The following ARHGEF18 variants were observed in gnomAD, a reference collection of about 807,000 sequenced individuals.
ARHGEF18 encodes Rho/Rac guanine nucleotide exchange factor 18, also known as rho guanine nucleotide exchange factor 18.
A neutral mutation model predicts 155.7 loss-of-function variants in ARHGEF18; 93 were observed. The ratio of observed to expected loss-of-function variants is 0.60; its 90% CI spans 0.50 to 0.71. The LOEUF (loss-of-function observed/expected upper bound fraction) is 0.71. Ranked by LOEUF, ARHGEF18 falls within the 30% of genes least tolerant of loss-of-function variation. The pLI is 0.00. For missense variants in ARHGEF18, 1,593 were observed against 1,816.1 expected (o/e 0.88, Z 2.23); for synonymous variants, 742 against 753.1 (o/e 0.99, Z 0.24).
At chr19:7,365,653 C>A (rs1455177084) in intron 2 of ARHGEF18, among the ~76,000 whole-genome samples, 1 of 152,212 alleles carries the variant, frequency 6.6e-6, no homozygotes, top group African/African-American at 2.4e-5. Flanking sequence ...GCTGTGCCCC[C>A]ACCCGCTGGC....
intron 10 of ARHGEF18, among the ~76,000 whole-genome samples, chr19:7,388,056 G>A (rs567722460): frequency 7.2e-5 from 11 of 152,128 alleles, no homozygotes; most frequent in Non-Finnish European, 1.3e-4. Flanking sequence ...AGCAAGCAAG[G>A]TGAGTGGCTT....
At chr19:7,475,235 A>G (rs1977201836), downstream of ARHGEF18, among the ~76,000 whole-genome samples, 1 of 152,160 alleles carries the variant, frequency 6.6e-6, no homozygotes, top group Non-Finnish European at 1.5e-5. Flanking sequence ...GTCTCAAAAA[A>G]GAGGGCCCGT....
rs563680113 is a variant in ARHGEF18 at position 7,453,851 on chromosome 19, A to T, written c.2104+136A>T. 218 of 1,216,770 alleles carry T rather than the reference A, an allele frequency of 1.8e-4. 1 individual carries two copies. The East Asian group carries it at 4.2e-3, about 24-fold the overall frequency. 75.4% of individuals were successfully genotyped at this position (1,216,770 alleles called of 1,614,324 possible). On this transcript the variant is annotated intron_variant, in intron 17 of 28. Coordinates refer to ENST00000668164, the MANE Select transcript of ARHGEF18 (RefSeq NM_001367823.1). ...GTACCATCTTGGAGAGGTGGTCACCATCTTGGATTGGTGGGTACTCTCTTG... is the reference window on the plus strand; with the variant it reads ...GTACCATCTTGGAGAGGTGGTCACCTTCTTGGATTGGTGGGTACTCTCTTG...
chr19:7,471,652 G>C lies in ARHGEF18; in HGVS notation c.*1354G>C, dbSNP rs1305163898. On this transcript the variant is annotated 3_prime_UTR_variant, in exon 29 of 29. Coordinates refer to ENST00000668164, the MANE Select transcript of ARHGEF18 (RefSeq NM_001367823.1). This position sits in a 1 kb window ranked among gnomAD's most constrained non-coding sequence, Gnocchi z 4.4. ...AGGCACTCCTGTGACGCTGAATACA[G>C]TGAACAGGGACATTCCCGCCACTCG... 1.3e-5 allele frequency: 2 copies of C among 152,238 alleles called. No homozygotes were observed. The highest frequency in any genetic ancestry group is 2.9e-5 in the Non-Finnish European group (2 of 68,082). 9.4% of individuals were successfully genotyped at this position (152,238 alleles called of 1,614,324 possible).
intron 10 of ARHGEF18, among the ~76,000 whole-genome samples, chr19:7,437,063 C>A (rs1974306316): frequency 6.6e-6 from 1 of 152,132 alleles, no homozygotes; most frequent in South Asian, 2.1e-4. Flanking sequence ...ATTCTTGACT[C>A]CTCTGCCAGA....
Position 7,373,578 on chromosome 19 carries a change from C to T in ARHGEF18, c.275+507C>T, listed in dbSNP as rs548866319. The stretch of plus-strand genomic sequence containing the variant: ...GCAATCTCCGCCTCCTGGGTTCAAG[C>T]GATTCTCCTGCCTCAGCCTCCCGAG... On this transcript the variant is annotated intron_variant, in intron 3 of 28. Coordinates refer to ENST00000668164, the MANE Select transcript of ARHGEF18 (RefSeq NM_001367823.1). Among the ~76,000 whole-genome samples, 7 of 151,464 alleles carry T rather than the reference C, an allele frequency of 4.6e-5. No individual in the cohort carries two copies. In the South Asian group the frequency reaches 1.0e-3, roughly 23 times the overall value.
intron 10 of ARHGEF18, among the ~76,000 whole-genome samples, chr19:7,408,458 C>T (rs1007085404): frequency 3.3e-5 from 5 of 152,196 alleles, no homozygotes; most frequent in African/African-American, 4.8e-5. Context: ...AGGGGTTCAC[C>T]AGCCCCTACA....
intron 10 of ARHGEF18, among the ~76,000 whole-genome samples, chr19:7,433,638 G>C (rs966493331): frequency 6.6e-6 from 1 of 151,818 alleles, no homozygotes; most frequent in Non-Finnish European, 1.5e-5. Context: ...AATAAGGAGT[G>C]TGCTTGGCTG....
intron 17 of ARHGEF18, 85 bp downstream of exon 17, chr19:7,453,800 T>G: frequency 6.9e-7 from 1 of 1,442,514 alleles, no homozygotes; most frequent in Non-Finnish European, 9.1e-7. Context: ...CTGTCTTAGA[T>G]TAGTGGCACC....
In ARHGEF18 at chr19:7,441,745, C is replaced by T. The variant is rs758721422; in HGVS notation, c.1199C>T (p.Thr400Ile). 7 of 1,614,218 alleles carry T rather than the reference C, an allele frequency of 4.3e-6. No homozygotes were observed. The highest frequency in any genetic ancestry group is 5.9e-6 in the Non-Finnish European group (7 of 1,180,036). Residue 400 changes from threonine to isoleucine, a missense_variant, in exon 12 of 29, where the codon ACC becomes ATC. Transcript: ENST00000668164. The part of the protein sequence containing the change: ...DDSLSLTSPN[T>I]ESIFVEDPYT... ...TCTCTGTCCCTTACATCTCCAAACA[C>T]CGAGTCCATTTTTGTAGAAGGTATG...
At chr19:7,431,115 G>T (rs1350741853) in intron 10 of ARHGEF18, among the ~76,000 whole-genome samples, 1 of 152,004 alleles carries the variant, frequency 6.6e-6, no homozygotes, top group East Asian at 1.9e-4. Flanking sequence ...GATCGTGCCT[G>T]TGTACTATAG....
downstream of ARHGEF18, chr19:7,472,862 G>A (rs927879700): frequency 3.1e-5 from 13 of 415,134 alleles, no homozygotes; most frequent in Non-Finnish European, 6.4e-5. Flanking sequence ...ACCACGCCCA[G>A]CTAATTTTTG....
At chr19:7,477,259 G>T, downstream of ARHGEF18, 1 of 1,584,036 alleles carries the variant, frequency 6.3e-7, no homozygotes, top group Non-Finnish European at 8.6e-7. Flanking sequence ...ACATGCTGAG[G>T]ATTGAGGAGA....
In ARHGEF18 at chr19:7,471,037, TTTCCCAAACTCTGC is replaced by T; in HGVS notation, c.*747_*760del. 2.6e-6 allele frequency: 1 copy of T among 381,624 alleles called. No individual in the cohort carries two copies. Among genetic ancestry groups the T allele is most frequent in the Non-Finnish European group, 4.6e-6 (1 of 215,440 alleles). 23.6% of individuals were successfully genotyped at this position (381,624 alleles called of 1,614,324 possible). On this transcript the variant is annotated 3_prime_UTR_variant, in exon 29 of 29. Coordinates refer to ENST00000668164, the MANE Select transcript of ARHGEF18 (RefSeq NM_001367823.1). This position sits in a 1 kb window ranked among gnomAD's most constrained non-coding sequence, Gnocchi z 4.4. ...TTGGCATTGGTTTTGAAACCAGCTGTTTCCCAAACTCTGCTTCCCAAGGGCAACCGTTGCTGTTC... is the reference window on the plus strand; with the variant it reads ...TTGGCATTGGTTTTGAAACCAGCTGTTTCCCAAGGGCAACCGTTGCTGTTC...
chr19:7,442,466 C>T (rs961212860), intron 13 of ARHGEF18, among the ~76,000 whole-genome samples: 9 of 152,138 alleles, frequency 5.9e-5, no homozygotes, highest in African/African-American at 2.2e-4. Context: ...ATCTCCTGAG[C>T]TCAAGTGACC....
chr19:7,367,669 C>T (rs1430760495), intron 2 of ARHGEF18, among the ~76,000 whole-genome samples: 2 of 148,320 alleles, frequency 1.3e-5, no homozygotes, highest in Admixed American at 1.4e-4. Context: ...TCACTTGAAC[C>T]CAGGAGGTGG....
At chr19:7,477,961 G>T in the ARHGEF18 span, among the ~76,000 whole-genome samples, 3 of 152,256 alleles carry the variant, frequency 2.0e-5, no homozygotes, top group East Asian at 5.8e-4. Flanking sequence ...GGCAGAGGCT[G>T]CAGTGAGCCA....
At chr19:7,441,070 G>T (rs1225535500) in intron 11 of ARHGEF18, among the ~76,000 whole-genome samples, 1 of 151,926 alleles carries the variant, frequency 6.6e-6, no homozygotes, top group Non-Finnish European at 1.5e-5. Flanking sequence ...GTCTGTCAAG[G>T]AAGCTGCAAT....
At chr19:7,432,619 A>G (rs1974029035) in intron 10 of ARHGEF18, among the ~76,000 whole-genome samples, 1 of 152,030 alleles carries the variant, frequency 6.6e-6, no homozygotes, top group South Asian at 2.1e-4. Flanking sequence ...CAGATTACAG[A>G]CTTGAGCCAC....
Sources: gnomAD v4.1 joint callset for allele counts (sites outside exome capture counted in the v4.1 genomes callset) on GRCh38, gnomAD v4.1.1 for gene constraint, Gnocchi (gnomAD v3.1) non-coding constraint, MANE v1.5 for transcripts, NCBI Gene and HGNC (gene_info 2026-07-23, HGNC 2026-07-21) for gene names.